LHX4: variants seen among roughly 807,000 people sequenced by gnomAD.
LHX4 encodes LIM homeobox 4, also known as LIM/homeobox protein Lhx4.
In LHX4, 16 loss-of-function variants were observed where a neutral mutation model predicts 39.2. The ratio of observed to expected loss-of-function variants is 0.41; its 90% CI spans 0.28 to 0.62. The LOEUF is 0.62. LHX4 is among the 20% of genes least tolerant of loss of function. The pLI, the probability that LHX4 is intolerant of heterozygous loss-of-function variation, is 0.33. For synonymous variants in LHX4, 206 were observed against 198.1 expected (o/e 1.04, Z -0.33); for missense variants, 439 against 511.9 (o/e 0.86, Z 1.37).
rs1341762811 is a variant in LHX4 at position 180,275,371 on chromosome 1, T to C, written c.*792T>C. ...GTGCCTTCTTCAATTGCTTGTATCATTTATTCCACAAGACAGGCTGTGGGC... is the reference window on the plus strand; with the variant it reads ...GTGCCTTCTTCAATTGCTTGTATCACTTATTCCACAAGACAGGCTGTGGGC... On this transcript the variant is annotated 3_prime_UTR_variant, in exon 6 of 6. Coordinates refer to ENST00000263726, the MANE Select transcript of LHX4 (RefSeq NM_033343.4). 6.6e-6 allele frequency: 1 copy of C among 152,230 alleles called. No homozygotes were observed. The highest frequency in any genetic ancestry group is 6.5e-5 in the Admixed American group (1 of 15,278). 9.4% of individuals were successfully genotyped at this position (152,230 alleles called of 1,614,324 possible).
chr1:180,241,227 C>A (rs546714132), intron 1 of LHX4, among the ~76,000 whole-genome samples: 1 of 152,268 alleles, frequency 6.6e-6, no homozygotes, highest in African/African-American at 2.4e-5. Flanking sequence ...TCCCTTTATT[C>A]CAGAAAGACT....
chr1:180,248,425 G>A lies in LHX4; in HGVS notation c.217G>A (p.Gly73Arg), dbSNP rs745980452. The A allele has an allele frequency of 6.2e-6, 10 of 1,614,222 alleles. No individual in the cohort carries two copies. Among genetic ancestry groups the A allele is most frequent in the Admixed American group, 1.7e-5 (1 of 60,034 alleles). Reference protein sequence around the residue: ...QLADRCFSRAGSVYCKEDFFK... With the variant: ...QLADRCFSRARSVYCKEDFFK... ...GGCGGACAGGTGCTTCTCCAGGGCTGGGAGCGTCTACTGCAAGGAGGACTT... is the reference window on the plus strand; with the variant it reads ...GGCGGACAGGTGCTTCTCCAGGGCTAGGAGCGTCTACTGCAAGGAGGACTT... The change falls in exon 2 of 6, where the codon GGG (glycine) becomes AGG (arginine). Residue 73 changes from glycine to arginine, a missense_variant. Physicochemically the swap from Gly to Arg is moderately radical, Grantham distance 125. Transcript: ENST00000263726.
chr1:180,269,579 C>T (rs944102482), intron 3 of LHX4: 1 of 152,228 alleles, frequency 6.6e-6, no homozygotes, highest in Non-Finnish European at 1.5e-5. Context: ...TACCATCTGG[C>T]TGTGGTGAAA....
intron 1 of LHX4, among the ~76,000 whole-genome samples, chr1:180,244,702 T>C (rs113225856): frequency 0.025 from 3,823 of 152,332 alleles, 157 homozygotes; most frequent in African/African-American, 0.087. Context: ...TAGGAATCTG[T>C]GGCCCCTTTT....
chr1:180,229,974 G>T (rs1242001656), upstream of LHX4, among the ~76,000 whole-genome samples: 1 of 105,494 alleles, frequency 9.5e-6, no homozygotes. Flanking sequence ...AGGGGGGGGG[G>T]GTGCCGGCTT....
Position 180,234,172 on chromosome 1 carries a change from TATA to T in LHX4, c.76+3568_76+3570del, listed in dbSNP as rs1558207078. Among the ~76,000 whole-genome samples, 21 of 6,088 alleles carry T rather than the reference TATA, an allele frequency of 3.4e-3. No homozygotes were observed. The highest frequency in any genetic ancestry group is 0.013 in the African/African-American group (15 of 1,116). 4.0% of individuals were successfully genotyped at this position (6,088 alleles called of 152,430 possible). On this transcript the variant is annotated intron_variant, in intron 1 of 5. Coordinates refer to ENST00000263726, the MANE Select transcript of LHX4 (RefSeq NM_033343.4). The surrounding 1 kb of genome is among the most constrained non-coding windows in gnomAD (Gnocchi z 4.8). ...AGACACACACAACACACACAAATTA[TATA>T]TATATATATATATATATATATATAT... is the stretch of plus-strand genomic sequence containing the variant.
intron 2 of LHX4, 174 bp downstream of exon 2, chr1:180,248,630 T>G (rs1417872743): frequency 1.4e-6 from 1 of 715,278 alleles, no homozygotes; most frequent in Non-Finnish European, 2.5e-6. Flanking sequence ...TTCTGATCAC[T>G]GGCCCATCAC....
intron 2 of LHX4, among the ~76,000 whole-genome samples, chr1:180,265,543 G>GGGGGT (rs781134623): frequency 6.6e-6 from 1 of 152,226 alleles, no homozygotes; most frequent in Non-Finnish European, 1.5e-5. Context: ...GGCCTTGGCA[G>GGGGGT]GGGGTGGCTT....
chr1:180,269,145 G>A (rs114622734), intron 3 of LHX4, among the ~76,000 whole-genome samples: 1 of 151,696 alleles, frequency 6.6e-6, no homozygotes, highest in Non-Finnish European at 1.5e-5. Context: ...GTGTGTGGGG[G>A]GGGGGGTGGT....
At chr1:180,249,054 A>G (rs1233856112) in intron 2 of LHX4, among the ~76,000 whole-genome samples, 1 of 152,224 alleles carries the variant, frequency 6.6e-6, no homozygotes, top group Non-Finnish European at 1.5e-5. Context: ...CTCTGCCTGT[A>G]TTCGAACCCA....
chr1:180,264,859 C>T (rs6425618), intron 2 of LHX4, among the ~76,000 whole-genome samples: 1 of 152,026 alleles, frequency 6.6e-6, no homozygotes, highest in Admixed American at 6.5e-5. Context: ...CCCTCACACC[C>T]CAACACCCTT....
chr1:180,264,580 C>T (rs967506321), intron 2 of LHX4, among the ~76,000 whole-genome samples: 1 of 152,238 alleles, frequency 6.6e-6, no homozygotes, highest in African/African-American at 2.4e-5. Context: ...CGTGCACATC[C>T]TCTACAAGTA....
intron 2 of LHX4, among the ~76,000 whole-genome samples, chr1:180,256,716 G>A (rs1389922306): frequency 6.6e-6 from 1 of 152,178 alleles, no homozygotes; most frequent in Non-Finnish European, 1.5e-5. Context: ...CCCCAAAGTG[G>A]GAGTCAGGGG....
rs1379723561 is a variant in LHX4, at chr1:180,230,484, A to C, written c.-46A>C. 2.7e-5 allele frequency: 40 copies of C among 1,497,380 alleles called. No individual in the cohort carries two copies. The highest frequency in any genetic ancestry group is 3.3e-5 in the Non-Finnish European group (36 of 1,076,052). The allele number at this position is 1,497,380 out of a possible 1,614,324, so 92.8% of individuals were successfully genotyped here. The stretch of plus-strand genomic sequence containing the variant: ...TTTCTGAATCGAGCTAGAGCGAGAG[A>C]GCGAGAGATCTCCGTAGACTGCGAC... On this transcript the variant is annotated 5_prime_UTR_variant, in exon 1 of 6. Coordinates refer to ENST00000263726, the MANE Select transcript of LHX4 (RefSeq NM_033343.4). This position sits in a 1 kb window ranked among gnomAD's most constrained non-coding sequence, Gnocchi z 5.8.
At chr1:180,251,679 C>T (rs1571268200) in intron 2 of LHX4, among the ~76,000 whole-genome samples, 1 of 152,296 alleles carries the variant, frequency 6.6e-6, no homozygotes, top group South Asian at 2.1e-4. Flanking sequence ...TGCTGCAAGG[C>T]GTCTTTGAGT....
At chr1:180,233,153 GA>G (rs1485413564) in intron 1 of LHX4, among the ~76,000 whole-genome samples, 1 of 152,228 alleles carries the variant, frequency 6.6e-6, no homozygotes, top group Non-Finnish European at 1.5e-5. Flanking sequence ...CTTATTTGGG[GA>G]TGGGTGAGGG....
chr1:180,241,500 G>A (rs1408531372), intron 1 of LHX4, among the ~76,000 whole-genome samples: 1 of 152,214 alleles, frequency 6.6e-6, no homozygotes, highest in Non-Finnish European at 1.5e-5. Context: ...TTGGACAGTG[G>A]CACTGTGAGG....
intron 2 of LHX4, among the ~76,000 whole-genome samples, chr1:180,250,974 A>C (rs7541647): frequency 0.33 from 49,566 of 152,106 alleles, 8,473 homozygotes; most frequent in Non-Finnish European, 0.36. Context: ...CACTGCCCCA[A>C]GCCCTGGCCC....
intron 3 of LHX4, chr1:180,270,995 A>C: frequency 3.1e-6 from 1 of 323,918 alleles, no homozygotes; most frequent in South Asian, 2.6e-5. Context: ...ACATGACTTC[A>C]ACCTGGCTGT....
Sources: allele counts gnomAD v4.1 joint callset (sites outside exome capture counted in the v4.1 genomes callset), GRCh38; gene constraint gnomAD v4.1.1; non-coding constraint Gnocchi (gnomAD v3.1); transcripts MANE v1.5; gene names NCBI Gene and HGNC (gene_info 2026-07-23, HGNC 2026-07-21).